Variants in C4orf46 observed in about 807,000 individuals in gnomAD.
The protein encoded by C4orf46 is chromosome 4 open reading frame 46, also known as renal cancer differentiation gene 1 protein.
In C4orf46, 8 loss-of-function variants were observed where a neutral mutation model predicts 9.1. That is an observed-to-expected ratio of 0.88 (90% confidence interval 0.52 to 1.59). The LOEUF is 1.59. Ranked by LOEUF, C4orf46 falls within the 40% of genes most tolerant of loss-of-function variation. The pLI is 0.00. For missense variants in C4orf46, 151 were observed against 139.1 expected (o/e 1.09, Z -0.43); for synonymous variants, 51 against 58.8 (o/e 0.87, Z 0.61).
intron 1 of C4orf46, among the ~76,000 whole-genome samples, chr4:158,670,048 G>A (rs1275713280): frequency 1.9e-3 from 3 of 1,620 alleles, no homozygotes; most frequent in East Asian, 0.042. Flanking sequence ...TTTTTGAGAC[G>A]GAGTTTCGCT....
Position 158,671,661 on chromosome 4 carries a change from G to A in C4orf46, c.141C>T (p.Gly47=). Residue 47 remains glycine (G), a synonymous_variant, in exon 1 of 2, where the codon GGC becomes GGT. Coordinates refer to ENST00000379205, the MANE Select transcript of C4orf46 (RefSeq NM_001008393.4). ...LGWPVPSRSS[G]PTVDQLEEVE... ...CTTCCTCCAGCTGGTCCACCGTTGG[G>A]CCGCTGCTCCTGCTCGGAACTGGCC... is the stretch of plus-strand genomic sequence containing the variant. 6.2e-7 allele frequency: 1 copy of A among 1,603,540 alleles called. No individual in the cohort carries two copies. Among genetic ancestry groups the A allele is most frequent in the Middle Eastern group, 1.7e-4 (1 of 5,780 alleles).
chr4:158,671,700 T>C lies in C4orf46; in HGVS notation c.102A>G (p.Pro34=), dbSNP rs760268980. The C allele has an allele frequency of 3.1e-6, 5 of 1,611,144 alleles. No individual in the cohort carries two copies. The Admixed American group carries it at 8.4e-5, about 27-fold the overall frequency. The change falls in exon 1 of 2, where the codon CCA becomes CCG. Residue 34 remains proline (P), a synonymous_variant. Transcript: ENST00000379205. ...TCGGAACTGGCCAGCCCAAACTCAC[T>C]GGGCCGCCCGGGGAAGATGCTGCAG... The part of the protein sequence containing the change: ...DASAASSPGG[P]VSLGWPVPSR...
chr4:158,670,023 C>CTT (rs767110704), intron 1 of C4orf46, among the ~76,000 whole-genome samples: 5 of 17,704 alleles, frequency 2.8e-4, no homozygotes, highest in African/African-American at 5.6e-4. Flanking sequence ...TAGTTGTTTT[C>CTT]TTTTTTTTTT....
chr4:158,671,917 C>T, upstream of C4orf46: 1 of 833,814 alleles, frequency 1.2e-6, no homozygotes, highest in Non-Finnish European at 1.8e-6. Context: ...GAAATCCCGC[C>T]CAGTCTCCTC....
rs977041606 is a variant in C4orf46, at chr4:158,668,096, T to A, written c.*1517A>T. 21 of 152,330 alleles carry A rather than the reference T, an allele frequency of 1.4e-4. No individual in the cohort carries two copies. Among genetic ancestry groups the A allele is most frequent in the African/African-American group, 4.6e-4 (19 of 41,568 alleles). The allele number at this position is 152,330 out of a possible 1,614,324, so 9.4% of individuals were successfully genotyped here. ...AGAAAATATAGCCAAATGCTAACAT[T>A]TATTACATCTGCATGGTAGAAATAC... On this transcript the variant is annotated 3_prime_UTR_variant, in exon 2 of 2. Coordinates refer to ENST00000379205, the MANE Select transcript of C4orf46 (RefSeq NM_001008393.4).
intron 1 of C4orf46, among the ~76,000 whole-genome samples, chr4:158,670,851 A>G (rs1773514403): frequency 6.6e-6 from 1 of 152,060 alleles, no homozygotes; most frequent in Non-Finnish European, 1.5e-5. Flanking sequence ...ATTCCACTTG[A>G]CCCACTCAAG....
rs560038107 is a variant in C4orf46, at chr4:158,667,392, C to CATTATGAAAG, written c.*2211_*2220dup. On this transcript the variant is annotated 3_prime_UTR_variant, in exon 2 of 2. Transcript: ENST00000379205. ...TATACAAAAACCAGAAAAAGCAAAT[C>CATTATGAAAG]ATTATGAAAGATTGGTAAAATTACG... 3.9e-5 allele frequency: 6 copies of CATTATGAAAG among 151,980 alleles called. No individual in the cohort carries two copies. Among genetic ancestry groups the CATTATGAAAG allele is most frequent in the Non-Finnish European group, 8.8e-5 (6 of 67,978 alleles). The allele number at this position is 151,980 out of a possible 1,614,324, so 9.4% of individuals were successfully genotyped here. A position where few individuals can be genotyped will look rare whatever the true frequency, so the allele number is the denominator to read the frequency against.
rs1369260972 is a variant in C4orf46, at chr4:158,667,092, G to A, written c.*2521C>T. On this transcript the variant is annotated 3_prime_UTR_variant, in exon 2 of 2. Transcript: ENST00000379205. ...CTCGAAATAATCAGTATGCCAAATCGGCATATTTGGGGGTGGCATGTTCAA... is the reference window on the plus strand; with the variant it reads ...CTCGAAATAATCAGTATGCCAAATCAGCATATTTGGGGGTGGCATGTTCAA... 3 of 152,132 alleles carry A rather than the reference G, an allele frequency of 2.0e-5. No individual in the cohort carries two copies. The highest frequency in any genetic ancestry group is 2.1e-4 in the South Asian group (1 of 4,828). 9.4% of individuals were successfully genotyped at this position (152,132 alleles called of 1,614,324 possible).
Position 158,668,735 on chromosome 4 carries a change from T to C in C4orf46, c.*878A>G, listed in dbSNP as rs1773442942. ...CTCAAAAAGTAATAGCACAGAGCCA[T>C]AAATCTGATAAGGCACTTTAAAGAT... On this transcript the variant is annotated 3_prime_UTR_variant, in exon 2 of 2. Transcript: ENST00000379205. 6.6e-6 allele frequency: 1 copy of C among 152,216 alleles called. No individual in the cohort carries two copies. The allele number at this position is 152,216 out of a possible 1,614,324, so 9.4% of individuals were successfully genotyped here. A position where few individuals can be genotyped will look rare whatever the true frequency, so the allele number is the denominator to read the frequency against.
chr4:158,671,898 C>G, upstream of C4orf46: 1 of 1,036,264 alleles, frequency 9.7e-7, no homozygotes, highest in Non-Finnish European at 1.4e-6. Context: ...GCCCCGCCTC[C>G]TAACGCCAGA....
chr4:158,670,028 T>TTTTTTTTTTTC (rs1561230886), intron 1 of C4orf46, among the ~76,000 whole-genome samples: 5 of 113,144 alleles, frequency 4.4e-5, no homozygotes, highest in African/African-American at 1.7e-4. Context: ...GTTTTCTTTT[T>TTTTTTTTTTTC]TTTTTTTTTT....
Position 158,666,881 on chromosome 4 carries a change from A to G in C4orf46, c.*2732T>C, listed in dbSNP as rs886823450. ...GGCAGAAACTGTGGAAGGTAAATAT[A>G]TGTTAAGAAACTAATAGTTTCTTGT... On this transcript the variant is annotated 3_prime_UTR_variant, in exon 2 of 2. Coordinates refer to ENST00000379205, the MANE Select transcript of C4orf46 (RefSeq NM_001008393.4). 1 of 152,178 alleles carries G rather than the reference A, an allele frequency of 6.6e-6. No individual in the cohort carries two copies. The highest frequency in any genetic ancestry group is 2.4e-5 in the African/African-American group (1 of 41,410). 9.4% of individuals were successfully genotyped at this position (152,178 alleles called of 1,614,324 possible).
chr4:158,670,756 G>T (rs933078249), intron 1 of C4orf46, among the ~76,000 whole-genome samples: 1 of 152,168 alleles, frequency 6.6e-6, no homozygotes, highest in African/African-American at 2.4e-5. Context: ...GCGGAGCAAT[G>T]AGATAATCTA....
At chr4:158,671,286 A>C (rs1052219210) in intron 1 of C4orf46, among the ~76,000 whole-genome samples, 11 of 152,366 alleles carry the variant, frequency 7.2e-5, no homozygotes, top group African/African-American at 2.6e-4. Flanking sequence ...AGCCAGCAAC[A>C]GGCAGCGCAG....
Position 158,667,105 on chromosome 4 carries a change from G to A in C4orf46, c.*2508C>T, listed in dbSNP as rs1773399645. ...GTATGCCAAATCGGCATATTTGGGGGTGGCATGTTCAAATTTCCTTCAGAT... is the reference window on the plus strand; with the variant it reads ...GTATGCCAAATCGGCATATTTGGGGATGGCATGTTCAAATTTCCTTCAGAT... On this transcript the variant is annotated 3_prime_UTR_variant, in exon 2 of 2. Transcript: ENST00000379205. The A allele has an allele frequency of 6.6e-6, 1 of 152,170 alleles. No individual in the cohort carries two copies. Among genetic ancestry groups the A allele is most frequent in the Non-Finnish European group, 1.5e-5 (1 of 68,020 alleles). The allele number at this position is 152,170 out of a possible 1,614,324, so 9.4% of individuals were successfully genotyped here. A position where few individuals can be genotyped will look rare whatever the true frequency, so the allele number is the denominator to read the frequency against.
Position 158,669,142 on chromosome 4 carries a change from G to A in C4orf46, c.*471C>T, listed in dbSNP as rs923434345. On this transcript the variant is annotated 3_prime_UTR_variant, in exon 2 of 2. Transcript: ENST00000379205. ...GTGTGACCCTGTTTTAGGTGCTGGG[G>A]ATATAGAATAAAGACACAATCATTA... is the stretch of plus-strand genomic sequence containing the variant. 6.6e-6 allele frequency: 1 copy of A among 152,342 alleles called. No individual in the cohort carries two copies. The highest frequency in any genetic ancestry group is 2.4e-5 in the African/African-American group (1 of 41,426). The allele number at this position is 152,342 out of a possible 1,614,324, so 9.4% of individuals were successfully genotyped here.
At position 158,671,840 on chromosome 4, in the gene C4orf46, C is replaced by T; in HGVS notation, c.-39G>A. The T allele has an allele frequency of 1.4e-6, 2 of 1,428,792 alleles. No individual in the cohort carries two copies. The highest frequency in any genetic ancestry group is 1.9e-6 in the Non-Finnish European group (2 of 1,078,026). 88.5% of individuals were successfully genotyped at this position (1,428,792 alleles called of 1,614,324 possible). On this transcript the variant is annotated 5_prime_UTR_variant, in exon 1 of 2. Transcript: ENST00000379205. ...GACCGCGGAATCCGACCCGAGAAGC[C>T]GAACCGACACCAACTGTCTTTTAAC... is the stretch of plus-strand genomic sequence containing the variant.
In C4orf46 at chr4:158,669,612, A is replaced by G; in HGVS notation, c.*1T>C. ...ATTATTAAACAACGAAGTATGCCAA[A>G]TCAGTCATCAGGTTTCAAAGAATCA... On this transcript the variant is annotated 3_prime_UTR_variant, in exon 2 of 2. Coordinates refer to ENST00000379205, the MANE Select transcript of C4orf46 (RefSeq NM_001008393.4). 6.2e-7 allele frequency: 1 copy of G among 1,611,792 alleles called. No individual in the cohort carries two copies. The highest frequency in any genetic ancestry group is 8.5e-7 in the Non-Finnish European group (1 of 1,179,472).
rs762888051 is a variant in C4orf46 at position 158,669,771 on chromosome 4, A to T, written c.187-3T>A. 3.3e-6 allele frequency: 3 copies of T among 910,802 alleles called. No homozygotes were observed. In the African/African-American group the frequency reaches 5.4e-5, roughly 16 times the overall value. 56.4% of individuals were successfully genotyped at this position (910,802 alleles called of 1,614,324 possible). ...AGTTTGGTTAATGAAAAGGCTGCCT[A>T]AAAAAAAAAAGTCAAACATAATTTT... On this transcript the variant is annotated splice_polypyrimidine_tract_variant and splice_region_variant and intron_variant, in intron 1 of 1. Coordinates refer to ENST00000379205, the MANE Select transcript of C4orf46 (RefSeq NM_001008393.4).
Sources: gnomAD v4.1 joint callset for allele counts (sites outside exome capture counted in the v4.1 genomes callset) on GRCh38, gnomAD v4.1.1 for gene constraint, MANE v1.5 for transcripts, NCBI Gene and HGNC (gene_info 2026-07-23, HGNC 2026-07-21) for gene names.